PCBP3: variants seen among roughly 807,000 people sequenced by gnomAD.
The protein encoded by PCBP3 is poly(rC)-binding protein 3.
Under a neutral mutation model 52.7 loss-of-function variants are expected in PCBP3, and 25 were observed. That is an observed-to-expected ratio of 0.47 (90% CI 0.35 to 0.66). The LOEUF (loss-of-function observed/expected upper bound fraction) is 0.66, where lower values mean the gene tolerates loss of function less well. Ranked by LOEUF, PCBP3 falls within the 30% of genes least tolerant of loss-of-function variation. PCBP3 has a pLI of 0.01. For synonymous variants in PCBP3, 162 were observed against 183.0 expected (o/e 0.89, Z 0.93); for missense variants, 391 against 490.3 (o/e 0.80, Z 1.91).
chr21:45,890,160 A>C lies in PCBP3; in HGVS notation c.11-6048A>C, dbSNP rs73382548. On this transcript the variant is annotated intron_variant, in intron 5 of 17. Transcript: ENST00000681687. Reference sequence around the variant, plus strand: ...CGGGAGAGAATGGAGCAGACAGGTCATGAGGCCAGCATGAGAGCATGGGGA... The same window carrying C: ...CGGGAGAGAATGGAGCAGACAGGTCCTGAGGCCAGCATGAGAGCATGGGGA... Among the ~76,000 whole-genome samples the C allele has an allele frequency of 8.1e-3, 1,234 of 152,344 alleles. 17 individuals are homozygous for C. The highest frequency in any genetic ancestry group is 0.028 in the African/African-American group (1,185 of 41,582).
chr21:45,826,062 C>T (rs2093299638), intron 4 of PCBP3, among the ~76,000 whole-genome samples: 1 of 152,088 alleles, frequency 6.6e-6, no homozygotes, highest in Non-Finnish European at 1.5e-5. Flanking sequence ...AGTTTGAGAC[C>T]AGCATGGCCA....
chr21:45,673,041 C>T (rs1455956729), intron 2 of PCBP3, among the ~76,000 whole-genome samples: 1 of 152,156 alleles, frequency 6.6e-6, no homozygotes, highest in Admixed American at 6.5e-5. Context: ...AACGGTTTCA[C>T]CAAATGACAT....
At chr21:45,740,308 C>T (rs943394201) in intron 3 of PCBP3, among the ~76,000 whole-genome samples, 2 of 152,200 alleles carry the variant, frequency 1.3e-5, no homozygotes, top group African/African-American at 4.8e-5. Context: ...GCGTGCCCGC[C>T]TCACTGGCAG....
intron 2 of PCBP3, among the ~76,000 whole-genome samples, chr21:45,687,054 A>G (rs1472653679): frequency 6.6e-6 from 1 of 152,214 alleles, no homozygotes; most frequent in Non-Finnish European, 1.5e-5. Context: ...AACTCAAGAA[A>G]GATAAAGAAA....
rs1381578168 is a variant in PCBP3 at position 45,928,630 on chromosome 21, G to A, written c.718-1287G>A. On this transcript the variant is annotated intron_variant, in intron 13 of 17. Transcript: ENST00000681687. This position sits in a 1 kb window ranked among gnomAD's most constrained non-coding sequence, Gnocchi z 4.1. Reference sequence around the variant, plus strand: ...AGGGCAAGCATGGGGGTCTGGTCAGGTGCTCAGCAGCCGGCCTTCTCACGT... The same window carrying A: ...AGGGCAAGCATGGGGGTCTGGTCAGATGCTCAGCAGCCGGCCTTCTCACGT... 1.3e-5 allele frequency among the ~76,000 whole-genome samples: 2 copies of A among 152,124 alleles called. No individual in the cohort carries two copies. Among genetic ancestry groups the A allele is most frequent in the Non-Finnish European group, 2.9e-5 (2 of 67,998 alleles).
rs540470185 is a variant in PCBP3 at position 45,909,547 on chromosome 21, C to T, written c.471+61C>T. On this transcript the variant is annotated intron_variant, in intron 10 of 17. Transcript: ENST00000681687. Reference sequence around the variant, plus strand: ...CCTCTAGGCGGGCTGCGGGTGGTGGCCACAGGCCAGGCAGCCTTCCTGAGC... The same window carrying T: ...CCTCTAGGCGGGCTGCGGGTGGTGGTCACAGGCCAGGCAGCCTTCCTGAGC... 23 of 1,560,056 alleles carry T rather than the reference C, an allele frequency of 1.5e-5. No individual in the cohort carries two copies. In the East Asian group the frequency reaches 5.2e-4, roughly 35 times the overall value.
intron 4 of PCBP3, among the ~76,000 whole-genome samples, chr21:45,772,711 A>C (rs2089968305): frequency 6.6e-6 from 1 of 152,122 alleles, no homozygotes; most frequent in Admixed American, 6.5e-5. Context: ...TTTTTCCTGC[A>C]TCCTCACCAA....
chr21:45,903,035 G>A (rs1004708811), intron 9 of PCBP3, among the ~76,000 whole-genome samples: 4 of 152,214 alleles, frequency 2.6e-5, no homozygotes, highest in African/African-American at 9.6e-5. Flanking sequence ...TTCCAGCTGT[G>A]GAGATTATAG....
intron 2 of PCBP3, among the ~76,000 whole-genome samples, chr21:45,718,482 C>T (rs986838958): frequency 9.9e-5 from 15 of 151,956 alleles, no homozygotes; most frequent in African/African-American, 3.6e-4. Context: ...TCGAAAGACT[C>T]CTGTCCTGTT....
chr21:45,886,019 C>G (rs543221788), intron 5 of PCBP3, among the ~76,000 whole-genome samples: 1 of 152,378 alleles, frequency 6.6e-6, no homozygotes, highest in Non-Finnish European at 1.5e-5. Flanking sequence ...TGATACTTCT[C>G]CAGCAGGGGA....
intron 12 of PCBP3, chr21:45,914,306 G>A (rs2096462917): frequency 1.9e-6 from 1 of 522,690 alleles, no homozygotes; most frequent in Admixed American, 3.9e-5. Flanking sequence ...CCAGAACTGG[G>A]TGTTTTTAGG....
At chr21:45,902,830 C>T (rs535143233) in intron 9 of PCBP3, among the ~76,000 whole-genome samples, 20 of 152,358 alleles carry the variant, frequency 1.3e-4, no homozygotes, top group Non-Finnish European at 2.1e-4. Context: ...AATCACCCAC[C>T]GCTGCTTGTG....
At position 45,724,232 on chromosome 21, in the gene PCBP3, A is replaced by G. The variant is rs1035398240; in HGVS notation, c.-199-11160A>G. On this transcript the variant is annotated intron_variant, in intron 2 of 17. Transcript: ENST00000681687. The surrounding 1 kb of genome is among the most constrained non-coding windows in gnomAD (Gnocchi z 5.3). ...TTGAAGTCTGAGCTCCTATTAACACATTTATCGAAAATGGAACCTATGAGC... is the reference window on the plus strand; with the variant it reads ...TTGAAGTCTGAGCTCCTATTAACACGTTTATCGAAAATGGAACCTATGAGC... Among the ~76,000 whole-genome samples, 2 of 152,172 alleles carry G rather than the reference A, an allele frequency of 1.3e-5. No homozygotes were observed. Among genetic ancestry groups the G allele is most frequent in the Non-Finnish European group, 1.5e-5 (1 of 68,030 alleles).
At chr21:45,835,323 G>C (rs2093557924) in intron 4 of PCBP3, among the ~76,000 whole-genome samples, 1 of 152,146 alleles carries the variant, frequency 6.6e-6, no homozygotes, top group African/African-American at 2.4e-5. Flanking sequence ...CGGAGGCTTA[G>C]CAGCACCGGA....
At position 45,749,007 on chromosome 21, in the gene PCBP3, A is replaced by C. The variant is rs2087169763; in HGVS notation, c.-161-6410A>C. ...TTCAGCTTTTACAAAGAGGGCAAGAACCACCAGTGTCTTTCTAGGAACAAA... is the reference window on the plus strand; with the variant it reads ...TTCAGCTTTTACAAAGAGGGCAAGACCCACCAGTGTCTTTCTAGGAACAAA... On this transcript the variant is annotated intron_variant, in intron 3 of 17. Transcript: ENST00000681687. 4.6e-5 allele frequency among the ~76,000 whole-genome samples: 7 copies of C among 152,192 alleles called. No individual in the cohort carries two copies. The South Asian group carries it at 1.4e-3, about 32-fold the overall frequency.
At chr21:45,903,119 G>A (rs1303211653) in intron 9 of PCBP3, among the ~76,000 whole-genome samples, 1 of 152,186 alleles carries the variant, frequency 6.6e-6, no homozygotes, top group Non-Finnish European at 1.5e-5. Flanking sequence ...TCTGAGGCCA[G>A]CAGGGCCTGG....
chr21:45,677,970 A>T (rs909013126), intron 2 of PCBP3, among the ~76,000 whole-genome samples: 1 of 152,254 alleles, frequency 6.6e-6, no homozygotes, highest in Non-Finnish European at 1.5e-5. Context: ...TGCTGTTTTC[A>T]TGCCCATTAA....
chr21:45,928,526 G>A lies in PCBP3; in HGVS notation c.718-1391G>A, dbSNP rs960491354. On this transcript the variant is annotated intron_variant, in intron 13 of 17. Transcript: ENST00000681687. The surrounding 1 kb of genome is among the most constrained non-coding windows in gnomAD (Gnocchi z 4.1). ...CAAACCCACCCAGGAGCACACAGCTGGGAAGGCGCTGGGACCACAGTCGCC... is the reference window on the plus strand; with the variant it reads ...CAAACCCACCCAGGAGCACACAGCTAGGAAGGCGCTGGGACCACAGTCGCC... 3.9e-5 allele frequency among the ~76,000 whole-genome samples: 6 copies of A among 152,192 alleles called. No homozygotes were observed. Among genetic ancestry groups the A allele is most frequent in the African/African-American group, 1.4e-4 (6 of 41,454 alleles).
At chr21:45,644,153 C>T (rs1409026128) in intron 1 of PCBP3, among the ~76,000 whole-genome samples, 3 of 151,292 alleles carry the variant, frequency 2.0e-5, no homozygotes, top group Non-Finnish European at 1.5e-5. Context: ...CGGCGGGAAG[C>T]CGAGAACGTC....
Sources: allele counts gnomAD v4.1 joint callset (sites outside exome capture counted in the v4.1 genomes callset), GRCh38; gene constraint gnomAD v4.1.1; non-coding constraint Gnocchi (gnomAD v3.1); transcripts MANE v1.5; gene names NCBI Gene and HGNC (gene_info 2026-07-23, HGNC 2026-07-21).